CSMD1: variants seen among roughly 807,000 people sequenced by gnomAD.
CSMD1 encodes CUB and sushi domain-containing protein 1.
CSMD1 carries 213 observed loss-of-function variants against 417.5 expected under a neutral mutation model. That is an observed-to-expected ratio of 0.51 (90% CI 0.46 to 0.57). CSMD1 has a LOEUF of 0.57. Among genes scored for constraint, CSMD1 ranks in the 20% least tolerant of loss-of-function variants. CSMD1 has a pLI of 0.00. For missense variants in CSMD1, 6,923 were observed against 4,529.7 expected (o/e 1.53, Z -15.17); for synonymous variants, 2,862 against 1,736.8 (o/e 1.65, Z -16.11).
chr8:4,684,621 G>A (rs932396644), intron 1 of CSMD1, among the ~76,000 whole-genome samples: 1 of 152,082 alleles, frequency 6.6e-6, no homozygotes, highest in East Asian at 1.9e-4. Context: ...TTGAAAATTA[G>A]GAATGATATT....
At chr8:3,253,780 G>C (rs1015475500) in intron 26 of CSMD1, among the ~76,000 whole-genome samples, 4 of 152,256 alleles carry the variant, frequency 2.6e-5, no homozygotes, top group Non-Finnish European at 4.4e-5. Flanking sequence ...CTGCAGGTGA[G>C]ATGGGTTTCC....
intron 4 of CSMD1, among the ~76,000 whole-genome samples, chr8:4,025,573 C>T (rs1266282556): frequency 3.3e-5 from 5 of 152,088 alleles, no homozygotes; most frequent in African/African-American, 4.8e-5. Flanking sequence ...GACATCATGC[C>T]TGTAAGAAGT....
At chr8:3,885,192 A>G (rs576805110) in intron 5 of CSMD1, among the ~76,000 whole-genome samples, 83 of 152,172 alleles carry the variant, frequency 5.5e-4, no homozygotes, top group African/African-American at 2.0e-3. Context: ...ACATTCACAG[A>G]TCAGAAAAGT....
intron 3 of CSMD1, among the ~76,000 whole-genome samples, chr8:4,130,494 T>C (rs1045093202): frequency 2.6e-5 from 4 of 152,108 alleles, no homozygotes; most frequent in South Asian, 2.1e-4. Context: ...CTGAGGCGAG[T>C]TGATTTGATT....
chr8:4,910,547 C>T (rs891676157), intron 1 of CSMD1, among the ~76,000 whole-genome samples: 10 of 152,116 alleles, frequency 6.6e-5, no homozygotes, highest in Non-Finnish European at 1.5e-4. Context: ...ATCTCTGAAG[C>T]TTTTTTATAG....
chr8:3,804,989 A>C (rs1227442770), intron 5 of CSMD1, among the ~76,000 whole-genome samples: 1 of 152,134 alleles, frequency 6.6e-6, no homozygotes, highest in Non-Finnish European at 1.5e-5. Flanking sequence ...TTCCACTTTC[A>C]CAGTTCACTT....
At chr8:3,781,465 G>T (rs78114993) in intron 5 of CSMD1, among the ~76,000 whole-genome samples, 2,593 of 151,592 alleles carry the variant, frequency 0.017, 59 homozygotes, top group African/African-American at 0.06. Context: ...ACGGGTTAAG[G>T]GAGCTGCTGA....
At position 4,417,248 on chromosome 8, in the gene CSMD1, G is replaced by C. The variant is rs143743412; in HGVS notation, c.415+2705C>G. Among the ~76,000 whole-genome samples the C allele has an allele frequency of 3.3e-5, 5 of 152,092 alleles. 1 individual carries two copies. The highest frequency in any genetic ancestry group is 1.2e-4 in the African/African-American group (5 of 41,546). The stretch of plus-strand genomic sequence containing the variant: ...AGAGTTAAATTCAATGACTGAACAC[G>C]TTGATTACACTATTTTAATTTGTTT... On this transcript the variant is annotated intron_variant, in intron 3 of 69. Coordinates refer to ENST00000635120, the MANE Select transcript of CSMD1 (RefSeq NM_033225.6).
intron 11 of CSMD1, among the ~76,000 whole-genome samples, chr8:3,474,371 G>C (rs538324118): frequency 6.6e-6 from 1 of 152,024 alleles, no homozygotes; most frequent in Admixed American, 6.6e-5. Flanking sequence ...GACCTCTCTC[G>C]GGGGAAGAGG....
chr8:3,142,361 C>T (rs1818555344), intron 41 of CSMD1, 104 bp downstream of exon 41: 2 of 1,003,376 alleles, frequency 2.0e-6, no homozygotes, highest in African/African-American at 3.3e-5. Flanking sequence ...AATTATTCCA[C>T]TCGTACAAGC....
chr8:3,166,551 A>G (rs1345687245), intron 37 of CSMD1, among the ~76,000 whole-genome samples: 1 of 152,142 alleles, frequency 6.6e-6, no homozygotes, highest in African/African-American at 2.4e-5. Flanking sequence ...TAAAATAAAA[A>G]ATAAAAAGAG....
At chr8:4,455,157 A>T (rs434803) in intron 2 of CSMD1, among the ~76,000 whole-genome samples, 1 of 152,200 alleles carries the variant, frequency 6.6e-6, no homozygotes, top group African/African-American at 2.4e-5. Context: ...AGCCAAAAGG[A>T]AAATGGTATT....
intron 26 of CSMD1, among the ~76,000 whole-genome samples, chr8:3,282,855 C>T (rs1314464414): frequency 2.6e-5 from 4 of 152,132 alleles, no homozygotes; most frequent in Non-Finnish European, 5.9e-5. Flanking sequence ...CTAAATATGA[C>T]TTGTCAGTGA....
intron 37 of CSMD1, among the ~76,000 whole-genome samples, chr8:3,178,029 G>T (rs901587203): frequency 1.3e-5 from 2 of 152,176 alleles, no homozygotes; most frequent in African/African-American, 4.8e-5. Flanking sequence ...ATAATTCAAA[G>T]ATGCTAATCT....
At chr8:3,938,500 T>C (rs1251248021) in intron 5 of CSMD1, among the ~76,000 whole-genome samples, 1 of 152,070 alleles carries the variant, frequency 6.6e-6, no homozygotes, top group African/African-American at 2.4e-5. Context: ...GGGGAGAAGG[T>C]TTCCTCGGCA....
intron 5 of CSMD1, among the ~76,000 whole-genome samples, chr8:3,840,421 T>G (rs73658300): frequency 0.027 from 4,161 of 152,254 alleles, 208 homozygotes; most frequent in African/African-American, 0.094. Flanking sequence ...ACGTTGTACT[T>G]TATTTTATTG....
intron 21 of CSMD1, among the ~76,000 whole-genome samples, chr8:3,350,701 G>C (rs1386682026): frequency 6.6e-6 from 1 of 152,054 alleles, no homozygotes; most frequent in East Asian, 1.9e-4. Context: ...TTAGCATTTA[G>C]GACATTAGCT....
At chr8:3,030,944 G>C (rs1810303708) in intron 50 of CSMD1, among the ~76,000 whole-genome samples, 1 of 152,024 alleles carries the variant, frequency 6.6e-6, no homozygotes, top group South Asian at 2.1e-4. Context: ...TAACAATGAA[G>C]TCTAAAATGG....
intron 2 of CSMD1, among the ~76,000 whole-genome samples, chr8:4,469,166 A>G (rs889309861): frequency 6.6e-6 from 1 of 152,172 alleles, no homozygotes; most frequent in Admixed American, 6.5e-5. Context: ...TTACTTAAAG[A>G]CAAATACACA....
Sources: gnomAD v4.1 joint callset for allele counts (sites outside exome capture counted in the v4.1 genomes callset) on GRCh38, gnomAD v4.1.1 for gene constraint, MANE v1.5 for transcripts, NCBI Gene and HGNC (gene_info 2026-07-23, HGNC 2026-07-21) for gene names.